The following SLC16A10 variants were observed in gnomAD, a reference collection of about 807,000 sequenced individuals.
The protein encoded by SLC16A10 is monocarboxylate transporter 10.
Under a neutral mutation model 40.0 loss-of-function variants are expected in SLC16A10, and 27 were observed. That is an observed-to-expected ratio of 0.67 (90% confidence interval 0.50 to 0.93). SLC16A10 has a LOEUF of 0.93. Among genes scored for constraint, SLC16A10 ranks in the 40% least tolerant of loss-of-function variants. The pLI, the probability that SLC16A10 is intolerant of heterozygous loss-of-function variation, is 0.00. For missense variants in SLC16A10, 529 were observed against 658.2 expected, an observed-to-expected ratio of 0.80 and a Z score of 2.15; for synonymous variants, 213 against 249.8, an observed-to-expected ratio of 0.85 and a Z score of 1.39.
intron 4 of SLC16A10, among the ~76,000 whole-genome samples, chr6:111,208,244 G>T (rs1380432033): frequency 6.6e-6 from 1 of 152,148 alleles, no homozygotes; most frequent in Non-Finnish European, 1.5e-5. Flanking sequence ...CTCCCAAAGT[G>T]CTGGGATTAC....
chr6:111,173,457 T>A (rs1772624969), intron 2 of SLC16A10: 1 of 152,282 alleles, frequency 6.6e-6, no homozygotes, highest in Admixed American at 6.5e-5. Flanking sequence ...CCCCAACCCC[T>A]GTGCCACAGA....
chr6:111,227,820 A>G lies in SLC16A10; in HGVS notation c.*5585A>G, dbSNP rs903452351. 2 of 152,182 alleles carry G rather than the reference A, an allele frequency of 1.3e-5. No homozygotes were observed. The highest frequency in any genetic ancestry group is 4.8e-5 in the African/African-American group (2 of 41,448). The allele number at this position is 152,182 out of a possible 1,614,324, so 9.4% of individuals were successfully genotyped here. A position where few individuals can be genotyped will look rare whatever the true frequency, so the allele number is the denominator to read the frequency against. ...ATGAAACCTTTCTAAGTACTTGATG[A>G]CACCCACTTGATCATGACAATTCAT... On this transcript the variant is annotated 3_prime_UTR_variant, in exon 6 of 6. Coordinates refer to ENST00000368851, the MANE Select transcript of SLC16A10 (RefSeq NM_018593.5).
At chr6:111,091,866 G>C (rs1033179283) in intron 1 of SLC16A10, among the ~76,000 whole-genome samples, 1 of 152,236 alleles carries the variant, frequency 6.6e-6, no homozygotes, top group East Asian at 1.9e-4. Context: ...GCTTTGTTTT[G>C]GGCTCTGTCC....
At chr6:111,168,980 C>T (rs1383550694) in intron 1 of SLC16A10, among the ~76,000 whole-genome samples, 3 of 152,116 alleles carry the variant, frequency 2.0e-5, no homozygotes, top group Middle Eastern at 3.4e-3. Flanking sequence ...CACTTGGTAT[C>T]GAGTGAGAGG....
intron 1 of SLC16A10, among the ~76,000 whole-genome samples, chr6:111,137,316 C>T (rs968791036): frequency 1.3e-5 from 2 of 152,234 alleles, no homozygotes; most frequent in African/African-American, 4.8e-5. Flanking sequence ...AAACCCTTCA[C>T]TTAGGCATTG....
intron 1 of SLC16A10, among the ~76,000 whole-genome samples, chr6:111,167,132 AG>A (rs1457083682): frequency 1.3e-5 from 2 of 152,234 alleles, no homozygotes; most frequent in East Asian, 3.8e-4. Context: ...AGAACATTAA[AG>A]AACACTAAAA....
intron 1 of SLC16A10, among the ~76,000 whole-genome samples, chr6:111,164,698 G>C (rs1424001434): frequency 6.6e-6 from 1 of 152,164 alleles, no homozygotes; most frequent in Non-Finnish European, 1.5e-5. Context: ...CTGGGAGGCA[G>C]AGGCAACCAA....
chr6:111,128,331 T>G (rs1460317850), intron 1 of SLC16A10, among the ~76,000 whole-genome samples: 1 of 152,216 alleles, frequency 6.6e-6, no homozygotes, highest in Admixed American at 6.5e-5. Flanking sequence ...TTAATTAATC[T>G]GTTTGAGGTC....
intron 3 of SLC16A10, among the ~76,000 whole-genome samples, chr6:111,181,445 T>A (rs1772790016): frequency 6.6e-6 from 1 of 152,182 alleles, no homozygotes; most frequent in South Asian, 2.1e-4. Flanking sequence ...GCAATGTGAT[T>A]GCCAACTTGA....
At chr6:111,093,909 G>A (rs550443077) in intron 1 of SLC16A10, among the ~76,000 whole-genome samples, 1 of 152,290 alleles carries the variant, frequency 6.6e-6, no homozygotes, top group Non-Finnish European at 1.5e-5. Context: ...AGTGAGTATG[G>A]TATGGGCGTT....
Position 111,223,592 on chromosome 6 carries a change from A to T in SLC16A10, c.*1357A>T, listed in dbSNP as rs534317361. On this transcript the variant is annotated 3_prime_UTR_variant, in exon 6 of 6. Coordinates refer to ENST00000368851, the MANE Select transcript of SLC16A10 (RefSeq NM_018593.5). The stretch of plus-strand genomic sequence containing the variant: ...ACCACTTCTAATAGTGTCATATTTC[A>T]TATTCAGGGGACTTAGATAATTTGC... 6.6e-6 allele frequency: 1 copy of T among 152,186 alleles called. No individual in the cohort carries two copies. The allele number at this position is 152,186 out of a possible 1,614,324, so 9.4% of individuals were successfully genotyped here.
rs550992839 is a variant in SLC16A10, at chr6:111,100,907, A to G, written c.343+12812A>G. On this transcript the variant is annotated intron_variant, in intron 1 of 5. Coordinates refer to ENST00000368851, the MANE Select transcript of SLC16A10 (RefSeq NM_018593.5). The stretch of plus-strand genomic sequence containing the variant: ...ATGGGTATCATCAGTATAGTCTATC[A>G]GTATAGTAATTGTTTATCTGAAACT... Among the ~76,000 whole-genome samples the G allele has an allele frequency of 3.6e-4, 49 of 137,122 alleles. 1 individual carries two copies. Among genetic ancestry groups the G allele is most frequent in the African/African-American group, 1.3e-3 (46 of 36,712 alleles). 90.0% of individuals were successfully genotyped at this position (137,122 alleles called of 152,430 possible).
At chr6:111,205,308 G>C (rs1773236897) in intron 3 of SLC16A10, among the ~76,000 whole-genome samples, 1 of 152,142 alleles carries the variant, frequency 6.6e-6, no homozygotes, top group Non-Finnish European at 1.5e-5. Flanking sequence ...CTATATGGGT[G>C]GTTGTATTTG....
At chr6:111,220,674 T>G (rs1477977134) in intron 5 of SLC16A10, among the ~76,000 whole-genome samples, 1 of 152,222 alleles carries the variant, frequency 6.6e-6, no homozygotes, top group Non-Finnish European at 1.5e-5. Context: ...AATATAGTAT[T>G]CACTCTTCTT....
chr6:111,128,122 T>G (rs1055224884), intron 1 of SLC16A10, among the ~76,000 whole-genome samples: 2 of 152,232 alleles, frequency 1.3e-5, no homozygotes, highest in Non-Finnish European at 2.9e-5. Context: ...CAGGGTTTCA[T>G]TTCCTTGGAA....
intron 1 of SLC16A10, among the ~76,000 whole-genome samples, chr6:111,139,314 T>C (rs1225945857): frequency 6.6e-6 from 1 of 152,136 alleles, no homozygotes; most frequent in Non-Finnish European, 1.5e-5. Context: ...GATCTTGTTC[T>C]TTTTTTGAGA....
chr6:111,196,827 A>C (rs1314886452), intron 3 of SLC16A10, among the ~76,000 whole-genome samples: 1 of 152,172 alleles, frequency 6.6e-6, no homozygotes, highest in Non-Finnish European at 1.5e-5. Flanking sequence ...ATACAGGAGG[A>C]TATACATAGG....
In SLC16A10 at chr6:111,118,090, AG is replaced by A. The variant is rs2114470584; in HGVS notation, c.343+29996del. 2.0e-5 allele frequency among the ~76,000 whole-genome samples: 3 copies of A among 152,356 alleles called. No homozygotes were observed. The South Asian group carries it at 6.2e-4, about 32-fold the overall frequency. ...AAGATACGAACAGGCAGTTCACCAA[AG>A]AAGAAATACAGTAGGCATGAAAGAA... On this transcript the variant is annotated intron_variant, in intron 1 of 5. Transcript: ENST00000368851.
chr6:111,117,904 T>G (rs957829478), intron 1 of SLC16A10, among the ~76,000 whole-genome samples: 13 of 152,204 alleles, frequency 8.5e-5, no homozygotes, highest in African/African-American at 2.9e-4. Flanking sequence ...GTGCACTTTC[T>G]GTTATACTTC....
Sources: gnomAD v4.1 joint callset for allele counts (sites outside exome capture counted in the v4.1 genomes callset) on GRCh38, gnomAD v4.1.1 for gene constraint, MANE v1.5 for transcripts, NCBI Gene and HGNC (gene_info 2026-07-23, HGNC 2026-07-21) for gene names.